Variants in FMN2 observed in about 807,000 individuals in gnomAD.
FMN2 encodes the protein formin-2.
FMN2 carries 51 observed loss-of-function variants against 142.3 expected under a neutral mutation model. The ratio of observed to expected loss-of-function variants is 0.36; its 90% CI spans 0.29 to 0.45. The LOEUF (loss-of-function observed/expected upper bound fraction) is 0.45. FMN2 is among the 20% of genes least tolerant of loss of function. FMN2 has a pLI of 1.00. For missense variants in FMN2, 1,936 were observed against 2,122.8 expected (o/e 0.91, Z 1.73); for synonymous variants, 882 against 869.8 (o/e 1.01, Z -0.25).
chr1:240,284,391 C>T (rs775506019), intron 7 of FMN2, among the ~76,000 whole-genome samples: 3 of 152,058 alleles, frequency 2.0e-5, no homozygotes, highest in Non-Finnish European at 4.4e-5. Flanking sequence ...CTGACATTTT[C>T]CCCCTCATCT....
intron 2 of FMN2, chr1:240,144,273 G>A (rs945636063): frequency 1.2e-5 from 20 of 1,603,060 alleles, no homozygotes; most frequent in Admixed American, 5.0e-5. Context: ...AGGTTCATGC[G>A]GGCAGAGTCC....
chr1:240,339,626 T>C (rs1190759324), intron 13 of FMN2, among the ~76,000 whole-genome samples: 1 of 152,158 alleles, frequency 6.6e-6, no homozygotes, highest in East Asian at 1.9e-4. Flanking sequence ...GCATAGGAAC[T>C]TTAGACAACC....
chr1:240,383,891 T>A (rs1040156852), intron 14 of FMN2, among the ~76,000 whole-genome samples: 34 of 151,060 alleles, frequency 2.3e-4, no homozygotes, highest in East Asian at 1.6e-3. Flanking sequence ...AAAAAAAATA[T>A]ATATATATAT....
chr1:240,172,201 T>TACACACACACAC (rs138951858), intron 2 of FMN2, among the ~76,000 whole-genome samples: 10,680 of 147,146 alleles, frequency 0.073, 476 homozygotes, highest in South Asian at 0.12. Flanking sequence ...CACATACACA[T>TACACACACACAC]ACACACACAC....
At chr1:240,435,881 T>C (rs1237586613) in intron 15 of FMN2, among the ~76,000 whole-genome samples, 1 of 152,188 alleles carries the variant, frequency 6.6e-6, no homozygotes, top group African/African-American at 2.4e-5. Flanking sequence ...TGCTCTGAAA[T>C]AATCAGTTTT....
chr1:240,105,586 T>A (rs1033151886), intron 1 of FMN2, among the ~76,000 whole-genome samples: 2 of 152,202 alleles, frequency 1.3e-5, no homozygotes, highest in Non-Finnish European at 2.9e-5. Context: ...TCATCTTTTA[T>A]TCATTTTAAT....
At chr1:240,399,827 A>G (rs1435742430) in intron 15 of FMN2, among the ~76,000 whole-genome samples, 1 of 152,018 alleles carries the variant, frequency 6.6e-6, no homozygotes, top group Non-Finnish European at 1.5e-5. Flanking sequence ...ATACATGAAG[A>G]CTAGGGGCCC....
chr1:240,445,570 A>G (rs887790329), intron 16 of FMN2, among the ~76,000 whole-genome samples: 1 of 152,164 alleles, frequency 6.6e-6, no homozygotes, highest in African/African-American at 2.4e-5. Context: ...AGGAAAGATT[A>G]AGCACTTTCC....
chr1:240,412,979 C>T (rs1042392515), intron 15 of FMN2, among the ~76,000 whole-genome samples: 4 of 151,054 alleles, frequency 2.6e-5, no homozygotes, highest in African/African-American at 7.3e-5. Flanking sequence ...AAAAATTAGC[C>T]GGGTGTAGTG....
intron 2 of FMN2, among the ~76,000 whole-genome samples, chr1:240,129,132 C>A (rs995463203): frequency 1.3e-5 from 2 of 152,052 alleles, no homozygotes; most frequent in Admixed American, 1.3e-4. Context: ...CTTTGGCCTC[C>A]CAAAGTGCTG....
rs372855299 is a variant in FMN2 at position 240,225,129 on chromosome 1, G to C, written c.4065+13894G>C. On this transcript the variant is annotated intron_variant, in intron 6 of 17. Coordinates refer to ENST00000319653, the MANE Select transcript of FMN2 (RefSeq NM_020066.5). ...GCAAACAATAAGCTATTCTGACACA[G>C]GGGCAATTCCTAAGAAACGAGGCTT... 7.2e-5 allele frequency among the ~76,000 whole-genome samples: 11 copies of C among 152,280 alleles called. 1 individual carries two copies. Among genetic ancestry groups the C allele is most frequent in the Admixed American group, 5.9e-4 (9 of 15,288 alleles).
intron 6 of FMN2, among the ~76,000 whole-genome samples, chr1:240,246,400 A>G (rs1668085619): frequency 6.6e-6 from 1 of 152,182 alleles, no homozygotes; most frequent in South Asian, 2.1e-4. Flanking sequence ...GTTAGAGGCT[A>G]CAATCAGCTA....
chr1:240,281,096 G>A (rs551074052), intron 7 of FMN2, among the ~76,000 whole-genome samples: 2 of 152,226 alleles, frequency 1.3e-5, no homozygotes, highest in South Asian at 4.1e-4. Flanking sequence ...TATAAACAAG[G>A]CCCATAGGTG....
intron 6 of FMN2, among the ~76,000 whole-genome samples, chr1:240,241,825 C>CTTCTT (rs1667908718): frequency 3.1e-5 from 3 of 96,202 alleles, no homozygotes; most frequent in South Asian, 3.5e-4. Context: ...GTGTGCCTTG[C>CTTCTT]TTTTTTTTTT....
At chr1:240,361,144 T>A (rs1363982144) in intron 14 of FMN2, among the ~76,000 whole-genome samples, 712 of 8,818 alleles carry the variant, frequency 0.081, 7 homozygotes, top group African/African-American at 0.41. Flanking sequence ...TATATGTGTA[T>A]ATATATATAT....
rs1259612812 is a variant in FMN2, at chr1:240,413,120, C to CTCAAAAAAAAA, written c.4910+20558_4910+20559insTCAAAAAAAAA. On this transcript the variant is annotated intron_variant, in intron 15 of 17. Transcript: ENST00000319653. Reference sequence around the variant, plus strand: ...CCTGGGCGACAAAGCGAGACTCTGTCAAAAAAAAAAAAAAAAAAAAAAAAA... The same window carrying CTCAAAAAAAAA: ...CCTGGGCGACAAAGCGAGACTCTGTCTCAAAAAAAAAAAAAAAAAAAAAAAAAAAAAAAAAA... 1.2e-3 allele frequency among the ~76,000 whole-genome samples: 30 copies of CTCAAAAAAAAA among 24,586 alleles called. 2 individuals carry two copies. The highest frequency in any genetic ancestry group is 3.4e-3 in the African/African-American group (29 of 8,630). The allele number at this position is 24,586 out of a possible 152,430, so 16.1% of individuals were successfully genotyped here.
intron 16 of FMN2, among the ~76,000 whole-genome samples, chr1:240,466,923 A>G (rs552147661): frequency 3.3e-5 from 5 of 152,300 alleles, no homozygotes; most frequent in Admixed American, 1.3e-4. Context: ...CAGGAACTCC[A>G]TTCGTTTTGT....
At chr1:240,203,030 C>A (rs776614668) in intron 4 of FMN2, among the ~76,000 whole-genome samples, 1 of 152,150 alleles carries the variant, frequency 6.6e-6, no homozygotes, top group Non-Finnish European at 1.5e-5. Context: ...GATTAAAGGT[C>A]ACCTTTAAGA....
At chr1:240,340,297 C>T (rs996628664) in intron 13 of FMN2, among the ~76,000 whole-genome samples, 7 of 151,872 alleles carry the variant, frequency 4.6e-5, no homozygotes, top group Non-Finnish European at 7.4e-5. Context: ...ACTCTTAGTC[C>T]GGGCCGGGTG....
Sources: allele counts gnomAD v4.1 joint callset (sites outside exome capture counted in the v4.1 genomes callset), GRCh38; gene constraint gnomAD v4.1.1; transcripts MANE v1.5; gene names NCBI Gene and HGNC (gene_info 2026-07-23, HGNC 2026-07-21).